GGNBP2: variants seen among roughly 807,000 people sequenced by gnomAD.
GGNBP2 encodes the protein gametogenetin-binding protein 2.
In GGNBP2, 10 loss-of-function variants were observed where a neutral mutation model predicts 85.9. That is an observed-to-expected ratio of 0.12 (90% CI 0.07 to 0.20). The LOEUF is 0.20. Ranked by LOEUF, GGNBP2 falls within the 10% of genes least tolerant of loss-of-function variation. GGNBP2 has a pLI of 1.00. For missense variants in GGNBP2, 595 were observed against 857.8 expected, an observed-to-expected ratio of 0.69 and a Z score of 3.83; for synonymous variants, 287 against 285.7, an observed-to-expected ratio of 1.00 and a Z score of -0.05.
chr17:36,575,613 C>CATATAT (rs776677029), intron 6 of GGNBP2, among the ~76,000 whole-genome samples: 769 of 66,692 alleles, frequency 0.012, 36 homozygotes, highest in African/African-American at 0.02. Flanking sequence ...TCTAATGTAA[C>CATATAT]ATATATATAT....
chr17:36,561,340 T>C (rs2074414622), intron 5 of GGNBP2, among the ~76,000 whole-genome samples: 1 of 152,102 alleles, frequency 6.6e-6, no homozygotes, highest in African/African-American at 2.4e-5. Context: ...GCCAGGCTGG[T>C]CTCGGACTCC....
chr17:36,548,241 G>T (rs1032121866), intron 2 of GGNBP2, among the ~76,000 whole-genome samples: 5 of 152,154 alleles, frequency 3.3e-5, no homozygotes, highest in African/African-American at 9.7e-5. Context: ...TTTTAGTTGG[G>T]ATGCTGAAAC....
chr17:36,558,570 C>T (rs1270206336), intron 4 of GGNBP2, among the ~76,000 whole-genome samples: 3 of 151,568 alleles, frequency 2.0e-5, no homozygotes, highest in South Asian at 2.1e-4. Context: ...ATTCTCCTGC[C>T]TCAGCCTCCC....
chr17:36,550,656 A>T (rs748613562), intron 2 of GGNBP2, among the ~76,000 whole-genome samples: 4 of 152,234 alleles, frequency 2.6e-5, no homozygotes, highest in African/African-American at 9.6e-5. Flanking sequence ...ACAGATACTT[A>T]AGAGTGAAAG....
intron 13 of GGNBP2, among the ~76,000 whole-genome samples, chr17:36,588,177 C>T (rs2074721827): frequency 6.6e-6 from 1 of 152,086 alleles, no homozygotes; most frequent in African/African-American, 2.4e-5. Context: ...TATAGGTGGC[C>T]CTTGGAGGAG....
chr17:36,563,340 T>A (rs1366999930), intron 5 of GGNBP2, among the ~76,000 whole-genome samples: 1 of 152,066 alleles, frequency 6.6e-6, no homozygotes, highest in Admixed American at 6.6e-5. Context: ...AAAAATACAA[T>A]GATTGAACCT....
In GGNBP2 at chr17:36,557,184, T is replaced by C; in HGVS notation, c.276T>C (p.Cys92=). 1 of 1,614,154 alleles carries C rather than the reference T, an allele frequency of 6.2e-7. No individual in the cohort carries two copies. The highest frequency in any genetic ancestry group is 8.5e-7 in the Non-Finnish European group (1 of 1,180,028). ...ALSQLVPCVG[C]RRSVERLFSQ... ...CTCAGCTTGTCCCATGTGTTGGTTG[T>C]CGTCGCAGTGTGGAGCGTCTCTTTT... is the stretch of plus-strand genomic sequence containing the variant. Residue 92 remains cysteine (C), a synonymous_variant, in exon 4 of 14, where the codon TGT becomes TGC. Transcript: ENST00000613102.
At chr17:36,548,870 C>T (rs2074281461) in intron 2 of GGNBP2, among the ~76,000 whole-genome samples, 1 of 149,172 alleles carries the variant, frequency 6.7e-6, no homozygotes, top group African/African-American at 2.5e-5. Context: ...ATTGAACCCC[C>T]AGAGGCGGAG....
chr17:36,567,958 G>T (rs1236660295), intron 6 of GGNBP2, among the ~76,000 whole-genome samples, 182 bp downstream of exon 6: 7 of 151,100 alleles, frequency 4.6e-5, no homozygotes, highest in Admixed American at 6.6e-5. Context: ...ATGGAGTCTA[G>T]CTCTGTCGCC....
At chr17:36,560,358 A>G (rs1161992138) in intron 4 of GGNBP2, among the ~76,000 whole-genome samples, 1 of 152,212 alleles carries the variant, frequency 6.6e-6, no homozygotes, top group Non-Finnish European at 1.5e-5. Context: ...TTTGCATAAA[A>G]GTTCTGTTGA....
At chr17:36,548,352 C>G (rs1319198708) in intron 2 of GGNBP2, among the ~76,000 whole-genome samples, 1 of 151,924 alleles carries the variant, frequency 6.6e-6, no homozygotes, top group Non-Finnish European at 1.5e-5. Flanking sequence ...TGGTGGCTCA[C>G]GCTTGTAATC....
intron 2 of GGNBP2, among the ~76,000 whole-genome samples, chr17:36,550,643 A>T (rs1057065065): frequency 2.6e-5 from 4 of 152,246 alleles, no homozygotes; most frequent in African/African-American, 9.6e-5. Context: ...AGGAGAAACC[A>T]GAACAGATAC....
intron 4 of GGNBP2, 63 bp downstream of exon 4, chr17:36,557,399 G>C (rs929670553): frequency 7.3e-6 from 10 of 1,365,116 alleles, no homozygotes; most frequent in African/African-American, 1.4e-5. Context: ...GGTGACAGTG[G>C]CAGCTTATTT....
At chr17:36,575,211 G>GGCCTCA in intron 6 of GGNBP2, 1 of 642,292 alleles carries the variant, frequency 1.6e-6, no homozygotes, top group Non-Finnish European at 2.8e-6. Context: ...CCTCAGCCGC[G>GGCCTCA]GCCTCAGCCC....
At chr17:36,557,496 G>T (rs1468552923) in intron 4 of GGNBP2, among the ~76,000 whole-genome samples, 160 bp downstream of exon 4, 3 of 152,148 alleles carry the variant, frequency 2.0e-5, no homozygotes, top group Admixed American at 2.0e-4. Context: ...CTCTCCACGT[G>T]GGGAGAGGCA....
intron 4 of GGNBP2, among the ~76,000 whole-genome samples, chr17:36,558,131 C>T (rs933921714): frequency 2.2e-5 from 3 of 137,502 alleles, no homozygotes; most frequent in South Asian, 2.4e-4. Context: ...AAAAGAAGAG[C>T]GACTGGGCGC....
intron 7 of GGNBP2, 87 bp from the exon 8 acceptor site, chr17:36,579,158 G>A: frequency 9.1e-7 from 1 of 1,096,324 alleles, no homozygotes; most frequent in South Asian, 1.4e-5. Flanking sequence ...TAAGCACATT[G>A]TGTTTAAAAC....
intron 5 of GGNBP2, among the ~76,000 whole-genome samples, chr17:36,563,248 A>C (rs2074437316): frequency 6.6e-6 from 1 of 152,074 alleles, no homozygotes; most frequent in South Asian, 2.1e-4. Context: ...CCTGGGCGAC[A>C]AGAGTGAGAC....
chr17:36,562,919 C>T (rs1406088870), intron 5 of GGNBP2, among the ~76,000 whole-genome samples: 1 of 116,644 alleles, frequency 8.6e-6, no homozygotes, highest in Non-Finnish European at 1.6e-5. Flanking sequence ...GAGCTGAGAT[C>T]GTGTCGCCTG....
Sources: allele counts gnomAD v4.1 joint callset (sites outside exome capture counted in the v4.1 genomes callset), GRCh38; gene constraint gnomAD v4.1.1; transcripts MANE v1.5; gene names NCBI Gene and HGNC (gene_info 2026-07-23, HGNC 2026-07-21).